The following FOXP1 variants were observed in gnomAD, a reference collection of about 807,000 sequenced individuals.
The protein encoded by FOXP1 is forkhead box P1.
FOXP1 carries 15 observed loss-of-function variants against 98.2 expected under a neutral mutation model. That is an observed-to-expected ratio of 0.15 (90% confidence interval 0.10 to 0.24). The LOEUF is 0.24. Among genes scored for constraint, FOXP1 ranks in the 10% least tolerant of loss-of-function variants. The pLI is 1.00. For synonymous variants in FOXP1, 371 were observed against 314.5 expected (o/e 1.18, Z -1.90); for missense variants, 633 against 848.5 (o/e 0.75, Z 3.15).
intron 2 of FOXP1, among the ~76,000 whole-genome samples, chr3:71,519,680 G>A (rs1214331897): frequency 6.6e-6 from 1 of 152,136 alleles, no homozygotes; most frequent in Admixed American, 6.5e-5. Context: ...TCAGTCTTTG[G>A]CATGCCTCAA....
chr3:71,284,336 G>A (rs1387910297), intron 5 of FOXP1, among the ~76,000 whole-genome samples: 2 of 152,102 alleles, frequency 1.3e-5, no homozygotes, highest in South Asian at 2.1e-4. Flanking sequence ...AGGCCAAGAC[G>A]GGCAGATCAC....
chr3:71,158,214 A>T (rs940259822), intron 6 of FOXP1, among the ~76,000 whole-genome samples: 3 of 151,348 alleles, frequency 2.0e-5, no homozygotes, highest in African/African-American at 7.3e-5. Flanking sequence ...AGGGAAAGAA[A>T]GAAAAAAGAA....
At position 70,956,305 on chromosome 3, in the gene FOXP1, T is replaced by C. The variant is rs189826792; in HGVS notation, c.*2942A>G. Reference sequence around the variant, plus strand: ...ACCCCCAGGGGATACAGAATCAGAATTGTAAAAATCATAGTGAAGTTTGCT... The same window carrying C: ...ACCCCCAGGGGATACAGAATCAGAACTGTAAAAATCATAGTGAAGTTTGCT... On this transcript the variant is annotated 3_prime_UTR_variant, in exon 21 of 21. Coordinates refer to ENST00000649528, the MANE Select transcript of FOXP1 (RefSeq NM_001349338.3). 105 of 233,492 alleles carry C rather than the reference T, an allele frequency of 4.5e-4. No homozygotes were observed. The highest frequency in any genetic ancestry group is 8.1e-4 in the Non-Finnish European group (95 of 117,944). The allele number at this position is 233,492 out of a possible 1,614,324, so 14.5% of individuals were successfully genotyped here.
At position 70,955,473 on chromosome 3, in the gene FOXP1, T is replaced by C. The variant is rs761250227; in HGVS notation, c.*3774A>G. 15 of 232,744 alleles carry C rather than the reference T, an allele frequency of 6.4e-5. No individual in the cohort carries two copies. The highest frequency in any genetic ancestry group is 8.5e-6 in the Non-Finnish European group (1 of 117,856). The allele number at this position is 232,744 out of a possible 1,614,324, so 14.4% of individuals were successfully genotyped here. A position where few individuals can be genotyped will look rare whatever the true frequency, so the allele number is the denominator to read the frequency against. ...TAGGTTGGATCCTCATTCCTGACAG[T>C]GCATTTGTCTGACACACGGGACTAC... On this transcript the variant is annotated 3_prime_UTR_variant, in exon 21 of 21. Coordinates refer to ENST00000649528, the MANE Select transcript of FOXP1 (RefSeq NM_001349338.3).
intron 3 of FOXP1, among the ~76,000 whole-genome samples, chr3:71,480,511 T>C (rs189952121): frequency 7.9e-5 from 12 of 152,344 alleles, no homozygotes; most frequent in Non-Finnish European, 1.2e-4. Flanking sequence ...ATGATGGAGA[T>C]AGTTTTGTCA....
At chr3:71,044,032 T>G (rs1397196062) in intron 10 of FOXP1, among the ~76,000 whole-genome samples, 4 of 152,224 alleles carry the variant, frequency 2.6e-5, no homozygotes, top group Non-Finnish European at 4.4e-5. Flanking sequence ...CTCATCACAC[T>G]TAACACAGAA....
intron 3 of FOXP1, among the ~76,000 whole-genome samples, chr3:71,456,998 G>C (rs1257796050): frequency 6.6e-6 from 1 of 152,010 alleles, no homozygotes; most frequent in Non-Finnish European, 1.5e-5. Context: ...TCTCATGCTA[G>C]GATATAAAGA....
intron 11 of FOXP1, among the ~76,000 whole-genome samples, chr3:71,017,991 T>C (rs965092952): frequency 6.6e-6 from 1 of 152,270 alleles, no homozygotes; most frequent in South Asian, 2.1e-4. Context: ...CTAGTTAGGA[T>C]GAAAAATTAA....
At chr3:71,141,283 A>AG (rs1453031132) in intron 6 of FOXP1, among the ~76,000 whole-genome samples, 2 of 151,126 alleles carry the variant, frequency 1.3e-5, no homozygotes, top group African/African-American at 2.4e-5. Flanking sequence ...AAAAAAAAAA[A>AG]AAAGAAACTG....
intron 2 of FOXP1, among the ~76,000 whole-genome samples, chr3:71,496,463 AGTTTC>A (rs750697703): frequency 2.4e-4 from 36 of 152,084 alleles, no homozygotes; most frequent in Non-Finnish European, 5.0e-4. Context: ...TTCCTGTGGG[AGTTTC>A]GTTTTCATTC....
chr3:71,271,928 C>A (rs1348539242), intron 5 of FOXP1, among the ~76,000 whole-genome samples: 2 of 152,162 alleles, frequency 1.3e-5, no homozygotes, highest in Non-Finnish European at 2.9e-5. Flanking sequence ...AGGACAAGAC[C>A]TACTATGTGT....
chr3:71,152,562 C>T lies in FOXP1; in HGVS notation c.181-39925G>A, dbSNP rs1374311021. On this transcript the variant is annotated intron_variant, in intron 6 of 20. Coordinates refer to ENST00000649528, the MANE Select transcript of FOXP1 (RefSeq NM_001349338.3). ...ACCGCTTTGTGGAGGAGGCCCCCAG[C>T]GTGTGGGGGACAGCTGTGGCTCTGA... 3.3e-5 allele frequency among the ~76,000 whole-genome samples: 5 copies of T among 152,276 alleles called. No homozygotes were observed. In the South Asian group the frequency reaches 8.3e-4, roughly 25 times the overall value.
At chr3:71,004,362 A>G (rs2042500087) in intron 12 of FOXP1, among the ~76,000 whole-genome samples, 1 of 152,176 alleles carries the variant, frequency 6.6e-6, no homozygotes, top group Non-Finnish European at 1.5e-5. Context: ...TCTGAAAGCT[A>G]GAAATGTAAT....
At chr3:71,364,718 C>T (rs536436543) in intron 3 of FOXP1, among the ~76,000 whole-genome samples, 61 of 152,272 alleles carry the variant, frequency 4.0e-4, no homozygotes, top group African/African-American at 1.4e-3. Context: ...GGTAGAACAT[C>T]AGATACCTCC....
chr3:71,273,008 T>C (rs2070530638), intron 5 of FOXP1, among the ~76,000 whole-genome samples: 1 of 152,170 alleles, frequency 6.6e-6, no homozygotes, highest in African/African-American at 2.4e-5. Context: ...TCACTATACA[T>C]GAATTAGGAC....
intron 3 of FOXP1, among the ~76,000 whole-genome samples, chr3:71,415,444 G>A (rs538313261): frequency 2.0e-5 from 3 of 152,238 alleles, no homozygotes; most frequent in Admixed American, 6.5e-5. Flanking sequence ...TTGAACCTGG[G>A]TCTTTGATGT....
At chr3:71,487,627 A>G (rs2090755263) in intron 3 of FOXP1, among the ~76,000 whole-genome samples, 1 of 152,252 alleles carries the variant, frequency 6.6e-6, no homozygotes, top group Admixed American at 6.5e-5. Context: ...GGATGGGCAC[A>G]GAAAAGGGGA....
rs1440483058 is a variant in FOXP1 at position 71,114,206 on chromosome 3, A to G, written c.181-1569T>C. 7.9e-5 allele frequency among the ~76,000 whole-genome samples: 12 copies of G among 152,332 alleles called. 1 individual carries two copies. The East Asian group carries it at 1.5e-3, about 20-fold the overall frequency. ...GACGGTAGTGTGTTCCTTAAAAAGG[A>G]ACAGGTGCTTCATTTACATAAGAAA... On this transcript the variant is annotated intron_variant, in intron 6 of 20. Coordinates refer to ENST00000649528, the MANE Select transcript of FOXP1 (RefSeq NM_001349338.3).
chr3:71,000,324 C>T (rs2041953306), intron 13 of FOXP1, among the ~76,000 whole-genome samples: 1 of 150,800 alleles, frequency 6.6e-6, no homozygotes, highest in African/African-American at 2.4e-5. Flanking sequence ...TATATATACA[C>T]TCTACATTAA....
Sources: gnomAD v4.1 joint callset for allele counts (sites outside exome capture counted in the v4.1 genomes callset) on GRCh38, gnomAD v4.1.1 for gene constraint, MANE v1.5 for transcripts, NCBI Gene and HGNC (gene_info 2026-07-23, HGNC 2026-07-21) for gene names.